The following PCDH15 variants were observed in gnomAD, a reference collection of about 807,000 sequenced individuals.
PCDH15 encodes the protein protocadherin related 15.
PCDH15 carries 129 observed loss-of-function variants against 178.5 expected under a neutral mutation model. The ratio of observed to expected loss-of-function variants is 0.72; its 90% confidence interval spans 0.63 to 0.84. PCDH15 has a LOEUF of 0.84. Among genes scored for constraint, PCDH15 ranks in the 40% least tolerant of loss-of-function variants. The pLI is 0.00. For missense variants in PCDH15, 2,230 were observed against 2,099.9 expected (o/e 1.06, Z -1.21); for synonymous variants, 800 against 732.0 (o/e 1.09, Z -1.50).
intron 26 of PCDH15, among the ~76,000 whole-genome samples, chr10:53,900,727 A>G (rs991761656): frequency 2.0e-5 from 3 of 152,170 alleles, no homozygotes; most frequent in East Asian, 1.9e-4. Context: ...AGTGGCTACC[A>G]TAATTTACAT....
rs76279787 is a variant in PCDH15, at chr10:54,979,334, T to C, written c.-79-81834A>G. On this transcript the variant is annotated intron_variant, in intron 2 of 5. Coordinates refer to the PCDH15 transcript ENST00000458638. ...GTTCTCTTGTGAAAAGAAGCTGGAC[T>C]TGTTTCTGTGGCTTCAAGAGGGAGA... is the stretch of plus-strand genomic sequence containing the variant. Among the ~76,000 whole-genome samples, 867 of 152,254 alleles carry C rather than the reference T, an allele frequency of 5.7e-3. 7 individuals carry two copies. The highest frequency in any genetic ancestry group is 0.02 in the African/African-American group (811 of 41,548).
At chr10:55,026,217 T>G (rs766401722) in intron 2 of PCDH15, among the ~76,000 whole-genome samples, 3 of 151,760 alleles carry the variant, frequency 2.0e-5, no homozygotes, top group Non-Finnish European at 4.4e-5. Flanking sequence ...CAAAATAGAT[T>G]GCAGATTTAT....
chr10:54,301,407 C>T, intron 8 of PCDH15, among the ~76,000 whole-genome samples: 1 of 152,018 alleles, frequency 6.6e-6, no homozygotes. Context: ...CTTTAGGAAC[C>T]AACACAAAGA....
chr10:55,103,812 A>C (rs1489227252), intron 2 of PCDH15, among the ~76,000 whole-genome samples: 1 of 151,874 alleles, frequency 6.6e-6, no homozygotes, highest in Non-Finnish European at 1.5e-5. Context: ...TTGGGTTTTA[A>C]CTCATGGGGT....
At chr10:54,449,162 A>G (rs2136266274) in intron 3 of PCDH15, among the ~76,000 whole-genome samples, 1 of 151,858 alleles carries the variant, frequency 6.6e-6, no homozygotes, top group East Asian at 1.9e-4. Context: ...TAACCCCATT[A>G]AATACCAGAA....
chr10:55,297,233 G>A (rs2132274201), intron 1 of PCDH15, among the ~76,000 whole-genome samples: 1 of 152,098 alleles, frequency 6.6e-6, no homozygotes, highest in South Asian at 2.1e-4. Flanking sequence ...ATAAGCTGAA[G>A]ATAAATGATT....
rs566720626 is a variant in PCDH15 at position 54,955,129 on chromosome 10, A to C, written c.-79-57629T>G. On this transcript the variant is annotated intron_variant, in intron 2 of 5. Transcript: ENST00000458638. ...GGATTCAGAAGCTTTCTTGGCAAGAAAAAACAAATCAAGCTGGCACTATAG... is the reference window on the plus strand; with the variant it reads ...GGATTCAGAAGCTTTCTTGGCAAGACAAAACAAATCAAGCTGGCACTATAG... 2.6e-5 allele frequency among the ~76,000 whole-genome samples: 4 copies of C among 151,258 alleles called. No individual in the cohort carries two copies. In the South Asian group the frequency reaches 8.3e-4, roughly 31 times the overall value.
chr10:54,005,530 A>G (rs932674055), intron 20 of PCDH15, among the ~76,000 whole-genome samples: 7 of 152,154 alleles, frequency 4.6e-5, no homozygotes, highest in Non-Finnish European at 1.5e-5. Flanking sequence ...AAGAAGACAT[A>G]CAAGTGATAA....
chr10:54,364,651 C>G (rs893398555), intron 5 of PCDH15, among the ~76,000 whole-genome samples: 24 of 151,892 alleles, frequency 1.6e-4, no homozygotes, highest in African/African-American at 4.8e-4. Flanking sequence ...ACTGAGATAA[C>G]TTTTGCATTA....
chr10:54,847,406 ATTG>A (rs1376201051), intron 3 of PCDH15, among the ~76,000 whole-genome samples: 1 of 152,002 alleles, frequency 6.6e-6, no homozygotes, highest in Non-Finnish European at 1.5e-5. Context: ...GTACAATTAT[ATTG>A]TTCTTTTATT....
At chr10:54,833,355 G>T (rs560855991) in intron 3 of PCDH15, among the ~76,000 whole-genome samples, 2 of 152,300 alleles carry the variant, frequency 1.3e-5, no homozygotes, top group East Asian at 3.9e-4. Flanking sequence ...AGATGTGAAT[G>T]ACATTTATAA....
chr10:54,483,288 G>C (rs1180489074), intron 3 of PCDH15, among the ~76,000 whole-genome samples: 2 of 151,734 alleles, frequency 1.3e-5, no homozygotes, highest in African/African-American at 4.8e-5. Flanking sequence ...ATTACAACAT[G>C]GTATGTGTTT....
intron 2 of PCDH15, among the ~76,000 whole-genome samples, chr10:55,124,187 A>G (rs1205413563): frequency 6.6e-6 from 1 of 152,152 alleles, no homozygotes; most frequent in Non-Finnish European, 1.5e-5. Flanking sequence ...TTAAAAGGCT[A>G]TATATATTTA....
At chr10:55,278,207 A>AT (rs1842644801) in intron 1 of PCDH15, among the ~76,000 whole-genome samples, 1 of 152,110 alleles carries the variant, frequency 6.6e-6, no homozygotes, top group Admixed American at 6.5e-5. Flanking sequence ...CAGAATAGTC[A>AT]TTTTTTGTCT....
At chr10:55,554,660 C>A (rs1231439342) in intron 2 of PCDH15, among the ~76,000 whole-genome samples, 2 of 151,980 alleles carry the variant, frequency 1.3e-5, no homozygotes, top group East Asian at 3.9e-4. Context: ...AGAATGTATG[C>A]AGGACTTCAG....
rs760354990 is a variant in PCDH15 at position 53,959,818 on chromosome 10, C to T, written c.3036G>A (p.Gly1012=). The T allele has an allele frequency of 1.2e-6, 2 of 1,613,880 alleles. No individual in the cohort carries two copies. Among genetic ancestry groups the T allele is most frequent in the South Asian group, 2.2e-5 (2 of 91,068 alleles). ...TGGCACTGCTGGACATCACAGGCTC[C>T]CCATCATCAAAAGCAACCACCACCA... ...FKLVVVAFDD[G]EPVMSSSATV... Residue 1012 remains glycine, a synonymous_variant, in exon 23 of 38, where the codon GGG becomes GGA. Transcript: ENST00000644397.
At chr10:55,090,911 T>A (rs1189107945) in intron 2 of PCDH15, among the ~76,000 whole-genome samples, 3 of 111,530 alleles carry the variant, frequency 2.7e-5, no homozygotes, top group African/African-American at 2.0e-4. Flanking sequence ...ATGTACTATT[T>A]CTTTTTTTTG....
At chr10:54,718,991 G>A (rs7097081) in intron 1 of PCDH15, among the ~76,000 whole-genome samples, 18,521 of 151,484 alleles carry the variant, frequency 0.12, 1,263 homozygotes, top group African/African-American at 0.17. Flanking sequence ...CACTGCACCC[G>A]GTCCACACTG....
At chr10:54,420,427 T>C (rs1955088222) in intron 3 of PCDH15, among the ~76,000 whole-genome samples, 1 of 152,036 alleles carries the variant, frequency 6.6e-6, no homozygotes, top group Non-Finnish European at 1.5e-5. Context: ...GAGCTCATGA[T>C]GATTGAGGAA....
Sources: gnomAD v4.1 joint callset for allele counts (sites outside exome capture counted in the v4.1 genomes callset) on GRCh38, gnomAD v4.1.1 for gene constraint, MANE v1.5 for transcripts, NCBI Gene and HGNC (gene_info 2026-07-23, HGNC 2026-07-21) for gene names.